SUPT3H: variants seen among roughly 807,000 people sequenced by gnomAD.
SUPT3H encodes the protein SPT3 homolog, SAGA and STAGA complex component.
SUPT3H carries 44 observed loss-of-function variants against 44.3 expected under a neutral mutation model. The observed-to-expected ratio is 0.99, with a 90% CI of 0.78 to 1.28. The LOEUF is 1.28. Among genes scored for constraint, SUPT3H ranks in the 50% most tolerant of loss-of-function variants. The pLI is 0.00. For synonymous variants in SUPT3H, 124 were observed against 125.6 expected (o/e 0.99, Z 0.09); for missense variants, 380 against 387.1 (o/e 0.98, Z 0.15).
intron 9 of SUPT3H, among the ~76,000 whole-genome samples, chr6:44,944,771 A>AAAAAAAAAAAAAAAG (rs1773047629): frequency 8.6e-6 from 1 of 116,044 alleles, no homozygotes; most frequent in African/African-American, 3.8e-5. Flanking sequence ...CCAAAAAAAA[A>AAAAAAAAAAAAAAAG]AAAAAAAAAA....
intron 2 of SUPT3H, among the ~76,000 whole-genome samples, chr6:45,224,443 CAGCATTT>C: frequency 6.6e-6 from 1 of 152,198 alleles, no homozygotes; most frequent in Middle Eastern, 3.4e-3. Flanking sequence ...TCACAGTGTA[CAGCATTT>C]TAGTATCAAT....
chr6:44,865,522 T>C (rs939131434), intron 10 of SUPT3H, among the ~76,000 whole-genome samples: 5 of 151,988 alleles, frequency 3.3e-5, no homozygotes, highest in African/African-American at 4.8e-5. Flanking sequence ...CTCACAAGCA[T>C]GGCAAAAGGT....
chr6:44,985,957 T>A (rs1203842289), intron 6 of SUPT3H, among the ~76,000 whole-genome samples: 1 of 152,190 alleles, frequency 6.6e-6, no homozygotes, highest in African/African-American at 2.4e-5. Context: ...GATAAAGTAA[T>A]CTCTTATCAA....
At chr6:45,331,948 G>C (rs1355195003) in intron 2 of SUPT3H, among the ~76,000 whole-genome samples, 1 of 151,946 alleles carries the variant, frequency 6.6e-6, no homozygotes, top group Non-Finnish European at 1.5e-5. Context: ...TGAAATATTT[G>C]ATGGTTAAAT....
intron 2 of SUPT3H, among the ~76,000 whole-genome samples, chr6:45,261,643 A>T (rs1180745510): frequency 6.6e-6 from 1 of 152,156 alleles, no homozygotes; most frequent in Non-Finnish European, 1.5e-5. Flanking sequence ...CAAAAGCTGG[A>T]AGCATTCTCC....
intron 11 of SUPT3H, among the ~76,000 whole-genome samples, chr6:44,821,678 C>G (rs1581824118): frequency 6.6e-6 from 1 of 152,020 alleles, no homozygotes; most frequent in Non-Finnish European, 1.5e-5. Flanking sequence ...GCAAAACTTC[C>G]TAATGTTAAA....
At chr6:45,313,756 G>T (rs907879206) in intron 2 of SUPT3H, among the ~76,000 whole-genome samples, 1 of 151,098 alleles carries the variant, frequency 6.6e-6, no homozygotes, top group Non-Finnish European at 1.5e-5. Context: ...TATTCCACAA[G>T]ATAGAGAAAG....
intron 2 of SUPT3H, among the ~76,000 whole-genome samples, chr6:45,320,380 C>CA (rs1785299185): frequency 6.6e-6 from 1 of 151,994 alleles, no homozygotes; most frequent in African/African-American, 2.4e-5. Flanking sequence ...CCTCTCACCT[C>CA]AGCCTCCCTA....
chr6:45,285,036 T>C (rs887124827), intron 2 of SUPT3H, among the ~76,000 whole-genome samples: 1 of 151,850 alleles, frequency 6.6e-6, no homozygotes, highest in African/African-American at 2.4e-5. Flanking sequence ...CTGAGAAAAT[T>C]CAACAGCCCT....
At chr6:45,358,740 A>G (rs1793701145) in intron 2 of SUPT3H, among the ~76,000 whole-genome samples, 1 of 152,162 alleles carries the variant, frequency 6.6e-6, no homozygotes, top group Non-Finnish European at 1.5e-5. Flanking sequence ...TTGAAAGTTA[A>G]TACTGTACAT....
At chr6:45,186,063 G>A (rs1284970) in intron 2 of SUPT3H, among the ~76,000 whole-genome samples, 3,152 of 152,218 alleles carry the variant, frequency 0.021, 43 homozygotes, top group Non-Finnish European at 0.032. Flanking sequence ...GACCACTTTC[G>A]CAAGAAGGCA....
chr6:44,825,174 A>G (rs1180292825), downstream of SUPT3H, among the ~76,000 whole-genome samples: 1 of 152,216 alleles, frequency 6.6e-6, no homozygotes, highest in African/African-American at 2.4e-5. Flanking sequence ...TAATTTGTAT[A>G]GGGACTTTTT....
At chr6:45,212,708 A>G (rs1259937644) in intron 2 of SUPT3H, among the ~76,000 whole-genome samples, 1 of 152,208 alleles carries the variant, frequency 6.6e-6, no homozygotes, top group Non-Finnish European at 1.5e-5. Flanking sequence ...CAGGGCTGAC[A>G]ATTTGCTTAG....
chr6:45,069,439 A>T (rs1380612702), intron 3 of SUPT3H, among the ~76,000 whole-genome samples: 2 of 152,194 alleles, frequency 1.3e-5, no homozygotes, highest in African/African-American at 4.8e-5. Context: ...GTAAGGAAAA[A>T]GGATGGATCT....
intron 5 of SUPT3H, among the ~76,000 whole-genome samples, chr6:45,011,680 CTCTTA>C (rs1482735762): frequency 2.0e-5 from 3 of 152,044 alleles, no homozygotes; most frequent in East Asian, 3.9e-4. Flanking sequence ...ATTATACTAT[CTCTTA>C]TATTTATGTA....
At chr6:45,070,312 C>G (rs540183671) in intron 3 of SUPT3H, among the ~76,000 whole-genome samples, 1 of 152,220 alleles carries the variant, frequency 6.6e-6, no homozygotes, top group South Asian at 2.1e-4. Flanking sequence ...GTTTTCAGAT[C>G]AACAGAAGAT....
chr6:45,319,656 A>C (rs1212669430), intron 2 of SUPT3H, among the ~76,000 whole-genome samples: 1 of 152,192 alleles, frequency 6.6e-6, no homozygotes, highest in African/African-American at 2.4e-5. Flanking sequence ...AATGTAGGTA[A>C]ATCCTCAGAA....
intron 1 of SUPT3H, among the ~76,000 whole-genome samples, chr6:45,374,417 C>T (rs1796495990): frequency 3.3e-5 from 5 of 152,116 alleles, no homozygotes; most frequent in Admixed American, 3.3e-4. Context: ...AAATGAGGAA[C>T]CCAGTATTCT....
At chr6:45,015,110 G>T (rs1326764877) in intron 4 of SUPT3H, among the ~76,000 whole-genome samples, 1 of 152,050 alleles carries the variant, frequency 6.6e-6, no homozygotes, top group East Asian at 1.9e-4. Context: ...CAAATATTCG[G>T]ATGTTCCAGA....
Sources: allele counts gnomAD v4.1 joint callset (sites outside exome capture counted in the v4.1 genomes callset), GRCh38; gene constraint gnomAD v4.1.1; transcripts MANE v1.5; gene names NCBI Gene and HGNC (gene_info 2026-07-23, HGNC 2026-07-21).